ELF1: variants seen among roughly 807,000 people sequenced by gnomAD.
The protein encoded by ELF1 is ETS-related transcription factor Elf-1.
Under a neutral mutation model 59.9 loss-of-function variants are expected in ELF1, and 24 were observed. The observed-to-expected ratio is 0.40, with a 90% CI of 0.29 to 0.56. The LOEUF is 0.56. Ranked by LOEUF, ELF1 falls within the 20% of genes least tolerant of loss-of-function variation. The probability of loss-of-function intolerance (pLI) is 0.44; values close to 1 mark genes in which losing one functional copy is unlikely to be tolerated. For synonymous variants in ELF1, 248 were observed against 266.2 expected, an observed-to-expected ratio of 0.93 and a Z score of 0.67; for missense variants, 627 against 742.2, an observed-to-expected ratio of 0.84 and a Z score of 1.80.
chr13:41,004,480 C>T (rs763200766), intron 1 of ELF1, among the ~76,000 whole-genome samples: 4 of 152,046 alleles, frequency 2.6e-5, no homozygotes, highest in Non-Finnish European at 5.9e-5. Flanking sequence ...ACAGGATCTA[C>T]CATCAGAACA....
upstream of ELF1, among the ~76,000 whole-genome samples, chr13:41,022,172 G>A (rs1875714973): frequency 6.6e-6 from 1 of 152,176 alleles, no homozygotes; most frequent in Non-Finnish European, 1.5e-5. Flanking sequence ...ATGTGTGAAT[G>A]GATAAATCCA....
chr13:41,025,982 T>C lies in ELF1; in HGVS notation c.-229+34856A>G, dbSNP rs543867074. Among the ~76,000 whole-genome samples the C allele has an allele frequency of 3.3e-5, 5 of 152,296 alleles. No individual in the cohort carries two copies. The South Asian group carries it at 1.0e-3, about 32-fold the overall frequency. ...TTCAAATGGCAAGGCCAAAAATACC[T>C]TCACTGTCCTAACTCAGGGATATAT... On this transcript the variant is annotated intron_variant, in intron 1 of 1. Coordinates refer to the ELF1 transcript ENST00000405737.
In ELF1 at chr13:40,941,027, G is replaced by T. The variant is rs148475737; in HGVS notation, c.1150C>A (p.Arg384=). 6.2e-7 allele frequency: 1 copy of T among 1,614,156 alleles called. No homozygotes were observed. The highest frequency in any genetic ancestry group is 1.1e-5 in the South Asian group (1 of 91,080). ...TQSPYPTQLF[R]TVHVVQPVQA... Reference sequence around the variant, plus strand: ...ACTGGCTGTACTACATGAACAGTCCGGAAGAGCTGGGTAGGATATGGAGAC... The same window carrying T: ...ACTGGCTGTACTACATGAACAGTCCTGAAGAGCTGGGTAGGATATGGAGAC... The change falls in exon 8 of 9, where the codon CGG becomes AGG. Residue 384 remains arginine (R), a synonymous_variant. Transcript: ENST00000239882.
chr13:40,988,386 A>G (rs929853475), intron 1 of ELF1, among the ~76,000 whole-genome samples: 4 of 152,242 alleles, frequency 2.6e-5, no homozygotes, highest in African/African-American at 7.2e-5. Context: ...CTTTATATCT[A>G]TATTAACAGA....
intron 1 of ELF1, among the ~76,000 whole-genome samples, chr13:41,008,153 G>A (rs1225453076): frequency 4.6e-5 from 7 of 152,176 alleles, no homozygotes; most frequent in Admixed American, 2.0e-4. Context: ...TACAAATAAA[G>A]TACTACTTCT....
At chr13:40,951,188 C>A in intron 4 of ELF1, 141 bp downstream of exon 4, 1 of 623,376 alleles carries the variant, frequency 1.6e-6, no homozygotes, top group Non-Finnish European at 2.5e-6. Flanking sequence ...GCAAAGGCAC[C>A]TCAATTCCTA....
At chr13:41,057,076 T>C (rs1277436476) in intron 1 of ELF1, among the ~76,000 whole-genome samples, 1 of 152,034 alleles carries the variant, frequency 6.6e-6, no homozygotes, top group African/African-American at 2.4e-5. Context: ...TGAAATGCAG[T>C]AATTGCTTTA....
intron 1 of ELF1, among the ~76,000 whole-genome samples, chr13:41,018,848 A>G (rs942168453): frequency 6.6e-6 from 1 of 152,236 alleles, no homozygotes; most frequent in African/African-American, 2.4e-5. Flanking sequence ...CACAGGAATA[A>G]TACGGTTTAC....
At chr13:41,003,767 C>T (rs374894510) in intron 1 of ELF1, among the ~76,000 whole-genome samples, 20 of 152,084 alleles carry the variant, frequency 1.3e-4, no homozygotes, top group African/African-American at 3.6e-4. Context: ...TGATGCTTAG[C>T]GAGCTAAAAT....
chr13:41,034,790 T>TAA (rs368956919), intron 1 of ELF1, among the ~76,000 whole-genome samples: 5,412 of 117,250 alleles, frequency 0.046, 239 homozygotes, highest in African/African-American at 0.1. Flanking sequence ...ATATTCCTAT[T>TAA]AAAAAAAAAA....
chr13:40,982,981 A>G lies in ELF1; in HGVS notation c.-228-699T>C, dbSNP rs550287756. The G allele has an allele frequency of 1.9e-3, 979 of 520,426 alleles. 5 individuals carry two copies. Among genetic ancestry groups the G allele is most frequent in the Non-Finnish European group, 2.3e-3 (924 of 404,956 alleles). The allele number at this position is 520,426 out of a possible 1,614,324, so 32.2% of individuals were successfully genotyped here. On this transcript the variant is annotated intron_variant, in intron 1 of 8. Transcript: ENST00000239882. ...TGACCACGTCATGGCAAATTAGAAC[A>G]TGCAAAGAACTGCACTTTACAATAG...
At chr13:40,948,388 T>C (rs1870634814) in intron 5 of ELF1, among the ~76,000 whole-genome samples, 1 of 152,222 alleles carries the variant, frequency 6.6e-6, no homozygotes, top group South Asian at 2.1e-4. Flanking sequence ...CTGAGGTCTC[T>C]GTCCGATACC....
intron 8 of ELF1, among the ~76,000 whole-genome samples, chr13:40,939,408 C>A (rs567219594): frequency 6.6e-6 from 1 of 152,102 alleles, no homozygotes; most frequent in African/African-American, 2.4e-5. Context: ...TTTATTCTCA[C>A]AGTCTAAAAA....
intron 2 of ELF1, 59 bp downstream of exon 2, chr13:40,981,924 A>C: frequency 6.5e-7 from 1 of 1,545,986 alleles, no homozygotes; most frequent in South Asian, 1.2e-5. Context: ...TAATTTTCTG[A>C]TATGAATAGA....
chr13:40,958,739 C>G (rs572699533), intron 3 of ELF1, 97 bp downstream of exon 3: 61 of 1,442,900 alleles, frequency 4.2e-5, no homozygotes, highest in Middle Eastern at 2.3e-4. Context: ...CAGTTTAAAA[C>G]CAAGTTAGGG....
In ELF1 at chr13:41,034,431, G is replaced by A. The variant is rs75987839; in HGVS notation, c.-229+26407C>T. Among the ~76,000 whole-genome samples, 610 of 152,168 alleles carry A rather than the reference G, an allele frequency of 4.0e-3. 2 individuals carry two copies. Among genetic ancestry groups the A allele is most frequent in the Non-Finnish European group, 6.9e-3 (467 of 67,980 alleles). ...TAAAAAATATACACGACTTCTTTGCGCTATTTAAGAAACTCTTTTCTAAAC... is the reference window on the plus strand; with the variant it reads ...TAAAAAATATACACGACTTCTTTGCACTATTTAAGAAACTCTTTTCTAAAC... On this transcript the variant is annotated intron_variant, in intron 1 of 1. Coordinates refer to the ELF1 transcript ENST00000405737.
At chr13:41,032,840 C>A (rs1397552753) in intron 1 of ELF1, among the ~76,000 whole-genome samples, 1 of 94,178 alleles carries the variant, frequency 1.1e-5, no homozygotes, top group Non-Finnish European at 2.1e-5. Context: ...CAGAGCAAGA[C>A]CTTGTTTCTA....
chr13:40,950,715 T>C (rs2138159240), intron 4 of ELF1, among the ~76,000 whole-genome samples: 1 of 152,352 alleles, frequency 6.6e-6, no homozygotes, highest in East Asian at 1.9e-4. Flanking sequence ...TTGTAGTTAT[T>C]TACATAAGTA....
intron 1 of ELF1, among the ~76,000 whole-genome samples, chr13:41,006,638 A>C (rs1593391822): frequency 1.3e-5 from 2 of 152,298 alleles, no homozygotes; most frequent in Admixed American, 1.3e-4. Flanking sequence ...AACAATATGC[A>C]AGTTTTTCTC....
Sources: allele counts gnomAD v4.1 joint callset (sites outside exome capture counted in the v4.1 genomes callset), GRCh38; gene constraint gnomAD v4.1.1; transcripts MANE v1.5; gene names NCBI Gene and HGNC (gene_info 2026-07-23, HGNC 2026-07-21).